RPS6KA2: variants seen among roughly 807,000 people sequenced by gnomAD.
RPS6KA2 encodes ribosomal protein S6 kinase alpha-2.
A neutral mutation model predicts 91.8 loss-of-function variants in RPS6KA2; 42 were observed. The ratio of observed to expected loss-of-function variants is 0.46; its 90% confidence interval spans 0.36 to 0.59. RPS6KA2 has a LOEUF of 0.59. Among genes scored for constraint, RPS6KA2 ranks in the 20% least tolerant of loss-of-function variants. The pLI is 0.00. For missense variants in RPS6KA2, 798 were observed against 978.5 expected (o/e 0.82, Z 2.46); for synonymous variants, 414 against 393.6 (o/e 1.05, Z -0.61).
At chr6:166,589,779 C>T (rs1009563280) in intron 1 of RPS6KA2, among the ~76,000 whole-genome samples, 1 of 152,128 alleles carries the variant, frequency 6.6e-6, no homozygotes, top group Non-Finnish European at 1.5e-5. Flanking sequence ...GTGCTTTGGC[C>T]CAAACAAATC....
rs542491724 is a variant in RPS6KA2 at position 166,711,221 on chromosome 6, A to T, written c.123+146979T>A. Among the ~76,000 whole-genome samples the T allele has an allele frequency of 2.0e-5, 3 of 150,316 alleles. No homozygotes were observed. In the South Asian group the frequency reaches 6.4e-4, roughly 32 times the overall value. Reference sequence around the variant, plus strand: ...CCCACAAAGCAGGAATAGCCCCACAACTTCCTTCATTGCAGTAATGAGGTG... The same window carrying T: ...CCCACAAAGCAGGAATAGCCCCACATCTTCCTTCATTGCAGTAATGAGGTG... On this transcript the variant is annotated intron_variant, in intron 2 of 21. Coordinates refer to the RPS6KA2 transcript ENST00000503859.
rs376649535 is a variant in RPS6KA2, at chr6:166,423,693, A to G, written c.1582-276T>C. 2.4e-4 allele frequency among the ~76,000 whole-genome samples: 36 copies of G among 152,336 alleles called. No individual in the cohort carries two copies. The highest frequency in any genetic ancestry group is 8.7e-4 in the African/African-American group (36 of 41,572). ...GAGTAAATAAGTGAGCACCTCTCCA[A>G]GTTGAGGCCGCAGCTTACTGGAGCT... On this transcript the variant is annotated intron_variant, in intron 16 of 20. Coordinates refer to ENST00000265678, the MANE Select transcript of RPS6KA2 (RefSeq NM_021135.6). The surrounding 1 kb of genome is among the most constrained non-coding windows in gnomAD (Gnocchi z 4.8).
chr6:166,765,859 C>T, intron 2 of RPS6KA2, among the ~76,000 whole-genome samples: 1 of 152,204 alleles, frequency 6.6e-6, no homozygotes, highest in East Asian at 1.9e-4. Context: ...CAATGGCAGG[C>T]ACTCAGCGAC....
At chr6:166,631,571 T>C (rs1787076922), upstream of RPS6KA2, among the ~76,000 whole-genome samples, 1 of 152,218 alleles carries the variant, frequency 6.6e-6, no homozygotes, top group South Asian at 2.1e-4. Flanking sequence ...TTGAAACCCA[T>C]TTATAAACCA....
chr6:166,456,629 A>G (rs1311268770), intron 12 of RPS6KA2, among the ~76,000 whole-genome samples: 1 of 152,256 alleles, frequency 6.6e-6, no homozygotes, highest in Non-Finnish European at 1.5e-5. Context: ...CTGTGAGTCC[A>G]GGATCTAACA....
chr6:166,457,403 C>T (rs936167831), intron 12 of RPS6KA2, among the ~76,000 whole-genome samples: 5 of 152,306 alleles, frequency 3.3e-5, no homozygotes, highest in African/African-American at 1.2e-4. Flanking sequence ...GGACCAACCC[C>T]AACACACAAA....
At chr6:166,594,238 GA>G (rs1434100622) in intron 1 of RPS6KA2, among the ~76,000 whole-genome samples, 28 of 152,116 alleles carry the variant, frequency 1.8e-4, no homozygotes, top group African/African-American at 6.0e-4. Flanking sequence ...AATTTTTAAA[GA>G]ACTGCACATA....
At chr6:166,632,075 C>T (rs1207801412), upstream of RPS6KA2, among the ~76,000 whole-genome samples, 2 of 152,136 alleles carry the variant, frequency 1.3e-5, no homozygotes, top group Admixed American at 6.5e-5. Context: ...AAGCTTTGTA[C>T]CCTTTGAGCA....
At chr6:166,674,507 T>C (rs934628657) in intron 2 of RPS6KA2, among the ~76,000 whole-genome samples, 3 of 152,204 alleles carry the variant, frequency 2.0e-5, no homozygotes, top group Non-Finnish European at 4.4e-5. Flanking sequence ...AAGAGGTCGA[T>C]ATCTTTAGAG....
chr6:166,675,773 G>A (rs12529451), intron 2 of RPS6KA2, among the ~76,000 whole-genome samples: 145 of 152,168 alleles, frequency 9.5e-4, no homozygotes, highest in Admixed American at 5.8e-3. Context: ...ATTTTAAATC[G>A]GGAGGAATGC....
intron 1 of RPS6KA2, chr6:166,544,471 C>T (rs750173943): frequency 2.0e-5 from 3 of 152,146 alleles, no homozygotes; most frequent in Admixed American, 6.5e-5. Context: ...ACACATGCCA[C>T]CCATGACAAA....
chr6:166,744,783 C>T lies in RPS6KA2; in HGVS notation c.123+113417G>A, dbSNP rs140031063. Among the ~76,000 whole-genome samples, 326 of 152,266 alleles carry T rather than the reference C, an allele frequency of 2.1e-3. 1 individual carries two copies. The highest frequency in any genetic ancestry group is 4.4e-3 in the African/African-American group (181 of 41,552). ...TCCACGTCCCTGGCGGCGGTGGGGT[C>T]GCGAGCCTGCACCTGACTCCAGTTG... On this transcript the variant is annotated intron_variant, in intron 2 of 21. Transcript: ENST00000503859.
chr6:166,753,909 G>A (rs978370860), intron 2 of RPS6KA2, among the ~76,000 whole-genome samples: 3 of 152,192 alleles, frequency 2.0e-5, no homozygotes, highest in Non-Finnish European at 2.9e-5. Context: ...TGTCAGAAAC[G>A]TACTAACCCA....
chr6:166,632,919 G>A (rs749101269), intron 2 of RPS6KA2, among the ~76,000 whole-genome samples: 3 of 152,032 alleles, frequency 2.0e-5, no homozygotes, highest in East Asian at 1.9e-4. Flanking sequence ...CAACATGGGC[G>A]TGAAATACCT....
In RPS6KA2 at chr6:166,500,994, A is replaced by T; in HGVS notation, c.567-70T>A. 2 of 1,454,688 alleles carry T rather than the reference A, an allele frequency of 1.4e-6. No individual in the cohort carries two copies. The highest frequency in any genetic ancestry group is 1.9e-6 in the Non-Finnish European group (2 of 1,040,870). 90.1% of individuals were successfully genotyped at this position (1,454,688 alleles called of 1,614,324 possible). ...GCCTGCCGACGGGCACGCAGAGCTC[A>T]GAGGAGAGCTGCGGGGCAGCTGGGG... On this transcript the variant is annotated intron_variant, in intron 6 of 20. Coordinates refer to ENST00000265678, the MANE Select transcript of RPS6KA2 (RefSeq NM_021135.6). The surrounding 1 kb of genome is among the most constrained non-coding windows in gnomAD (Gnocchi z 4.3).
At chr6:166,702,534 G>T in intron 2 of RPS6KA2, 2 of 1,452,330 alleles carry the variant, frequency 1.4e-6, no homozygotes, top group Non-Finnish European at 1.9e-6. Context: ...CTCCATACTG[G>T]ACTAGTCAAC....
Position 166,498,840 on chromosome 6 carries a change from G to A in RPS6KA2, c.605-190C>T, listed in dbSNP as rs575131239. Among the ~76,000 whole-genome samples the A allele has an allele frequency of 2.0e-5, 3 of 152,338 alleles. No individual in the cohort carries two copies. In the South Asian group the frequency reaches 6.2e-4, roughly 32 times the overall value. ...CCGTCAGTGCCCGAAGCCCGCCGGTGCCTGAAGCCGAAATCCTCAAAGCGT... is the reference window on the plus strand; with the variant it reads ...CCGTCAGTGCCCGAAGCCCGCCGGTACCTGAAGCCGAAATCCTCAAAGCGT... On this transcript the variant is annotated intron_variant, in intron 7 of 20. Transcript: ENST00000265678.
In RPS6KA2 at chr6:166,619,117, A is replaced by G. The variant is rs548565547; in HGVS notation, c.99+7804T>C. 1.6e-3 allele frequency among the ~76,000 whole-genome samples: 247 copies of G among 152,174 alleles called. 2 individuals are homozygous for G. Among genetic ancestry groups the G allele is most frequent in the South Asian group, 2.9e-3 (14 of 4,818 alleles). On this transcript the variant is annotated intron_variant, in intron 1 of 20. Transcript: ENST00000265678. Reference sequence around the variant, plus strand: ...TCGATGCCATCAGCAAAGTTTTTTCACTTCTTTGTTGGGTTGTACTCTACA... The same window carrying G: ...TCGATGCCATCAGCAAAGTTTTTTCGCTTCTTTGTTGGGTTGTACTCTACA...
In RPS6KA2 at chr6:166,430,449, C is replaced by T. The variant is rs1298839682; in HGVS notation, c.1581+4G>A. On this transcript the variant is annotated splice_donor_region_variant and intron_variant, in intron 16 of 20. Coordinates refer to ENST00000265678, the MANE Select transcript of RPS6KA2 (RefSeq NM_021135.6). ...CCGAAGGCTGCCCCAGGCATGGCTCCTACCCCCTGGGAATGGAGGTAGTCC... is the reference window on the plus strand; with the variant it reads ...CCGAAGGCTGCCCCAGGCATGGCTCTTACCCCCTGGGAATGGAGGTAGTCC... 3 of 1,609,932 alleles carry T rather than the reference C, an allele frequency of 1.9e-6. No homozygotes were observed. Among genetic ancestry groups the T allele is most frequent in the Non-Finnish European group, 2.5e-6 (3 of 1,177,494 alleles).
Sources: gnomAD v4.1 joint callset for allele counts (sites outside exome capture counted in the v4.1 genomes callset) on GRCh38, gnomAD v4.1.1 for gene constraint, Gnocchi (gnomAD v3.1) non-coding constraint, MANE v1.5 for transcripts, NCBI Gene and HGNC (gene_info 2026-07-23, HGNC 2026-07-21) for gene names.